ADGRF3: variants seen among roughly 807,000 people sequenced by gnomAD.
ADGRF3 encodes G protein-coupled receptor 113.
In ADGRF3, 85 loss-of-function variants were observed where a neutral mutation model predicts 93.2. That is an observed-to-expected ratio of 0.91 (90% CI 0.77 to 1.09). ADGRF3 has a LOEUF of 1.09. Ranked by LOEUF, ADGRF3 falls within the 50% of genes least tolerant of loss-of-function variation. The pLI is 0.00. For synonymous variants in ADGRF3, 534 were observed against 532.5 expected (o/e 1.00, Z -0.04); for missense variants, 1,125 against 1,246.2 (o/e 0.90, Z 1.46).
chr2:26,345,809 C>A, intron 1 of ADGRF3: 2 of 393,876 alleles, frequency 5.1e-6, no homozygotes, highest in Non-Finnish European at 4.7e-6. Context: ...CCACAGAAAT[C>A]CCACCTTCCC....
chr2:26,319,098 G>A (rs1188677477), intron 1 of ADGRF3: 1 of 1,525,578 alleles, frequency 6.6e-7, no homozygotes, highest in Admixed American at 2.0e-5. Context: ...TTTCCGCAAG[G>A]AAGAGCTGGC....
rs1364262042 is a variant in ADGRF3 at position 26,311,076 on chromosome 2, G to A, written c.2448C>T (p.Pro816=). The change falls in exon 10 of 14, where the codon CCC becomes CCT. Residue 816 remains proline (P), a synonymous_variant. Transcript: ENST00000651242. ...ACAGGTAGCCCAGGAGCACCATGAGGGGGAGAACTCGGTGCTTTGCCAGCT... is the reference window on the plus strand; with the variant it reads ...ACAGGTAGCCCAGGAGCACCATGAGAGGGAGAACTCGGTGCTTTGCCAGCT... ...FHQLAKHRVL[P]LMVLLGYLCP... is the part of the protein sequence containing the mutation. 1.2e-6 allele frequency: 2 copies of A among 1,607,000 alleles called. No individual in the cohort carries two copies. Among genetic ancestry groups the A allele is most frequent in the Non-Finnish European group, 1.7e-6 (2 of 1,176,868 alleles).
chr2:26,310,076 G>T lies in ADGRF3; in HGVS notation c.2904C>A (p.Cys968Ter). Residue 968 changes from cysteine to a stop codon, truncating the protein, a stop_gained, in exon 12 of 14, where the codon TGC (cysteine) becomes TGA (stop). Transcript: ENST00000651242. LOFTEE classifies it high-confidence loss of function. The part of the protein sequence containing the change: ...KIQEALRKRF[C>*]RAQAPSSTIS... ...TGGTGGAGCTGGGGGCTTGGGCGCG[G>T]CAGAAGCGTTTGCGCAAAGCTTCTT... 6.2e-7 allele frequency: 1 copy of T among 1,614,042 alleles called. No individual in the cohort carries two copies.
chr2:26,314,892 C>T (rs912424950), intron 5 of ADGRF3: 34 of 450,336 alleles, frequency 7.5e-5, no homozygotes, highest in African/African-American at 6.0e-4. Context: ...TCCTGCACCA[C>T]CCCTGCCATT....
At chr2:26,322,173 T>C (rs1036377205) in intron 1 of ADGRF3, among the ~76,000 whole-genome samples, 9 of 146,070 alleles carry the variant, frequency 6.2e-5, no homozygotes, top group African/African-American at 2.1e-4. Context: ...TCCCAGCTAC[T>C]TGGGAGGCTG....
At chr2:26,328,937 G>C (rs1675607885) in intron 1 of ADGRF3, among the ~76,000 whole-genome samples, 1 of 152,182 alleles carries the variant, frequency 6.6e-6, no homozygotes, top group Non-Finnish European at 1.5e-5. Context: ...AGATGTCCAT[G>C]TGCAAATCCC....
intron 1 of ADGRF3, among the ~76,000 whole-genome samples, chr2:26,326,413 G>T (rs1282562491): frequency 2.0e-5 from 3 of 152,176 alleles, no homozygotes; most frequent in Non-Finnish European, 4.4e-5. Context: ...AGAGGGAACA[G>T]AAAATATATC....
intron 5 of ADGRF3, 69 bp from the exon 6 acceptor site, chr2:26,314,692 T>A: frequency 7.1e-7 from 1 of 1,404,860 alleles, no homozygotes; most frequent in Non-Finnish European, 9.8e-7. Flanking sequence ...TCTCTGCTGC[T>A]TTCCAAGCCA....
chr2:26,337,490 G>A (rs188668731), intron 1 of ADGRF3, among the ~76,000 whole-genome samples: 7 of 152,344 alleles, frequency 4.6e-5, no homozygotes, highest in African/African-American at 1.4e-4. Context: ...GCTCAGCTAA[G>A]CCCATTCCAA....
chr2:26,311,345 C>G lies in ADGRF3; in HGVS notation c.2179G>C (p.Val727Leu). ...TTGTTCCGCACCACGACTCTCCACA[C>G]CAGCCAGTACACACCCAGGCACACA... ...LLVCLGVYWLVWRVVVRNKIS... is the reference protein window; with the variant it reads ...LLVCLGVYWLLWRVVVRNKIS... Residue 727 changes from valine (V) to leucine (L), a missense_variant, in exon 10 of 14, where the codon GTG becomes CTG. Transcript: ENST00000651242. The G allele has an allele frequency of 6.2e-7, 1 of 1,614,028 alleles. No homozygotes were observed. Among genetic ancestry groups the G allele is most frequent in the Non-Finnish European group, 8.5e-7 (1 of 1,179,906 alleles).
At chr2:26,321,417 T>C (rs764618854) in intron 1 of ADGRF3, among the ~76,000 whole-genome samples, 13 of 152,088 alleles carry the variant, frequency 8.5e-5, no homozygotes, top group Non-Finnish European at 1.8e-4. Context: ...GGGACATCAA[T>C]AGCATCTGCT....
intron 1 of ADGRF3, chr2:26,318,024 G>C: frequency 6.4e-7 from 1 of 1,550,450 alleles, no homozygotes; most frequent in Non-Finnish European, 8.7e-7. Flanking sequence ...CTCCTCCTCT[G>C]TCAGGGTGAG....
At chr2:26,312,813 C>T (rs1674299696) in intron 9 of ADGRF3, 130 bp downstream of exon 9, 2 of 791,232 alleles carry the variant, frequency 2.5e-6, no homozygotes, top group Non-Finnish European at 2.0e-6. Context: ...CAGGAGCAGG[C>T]CCCTGGACTC....
chr2:26,346,152 G>C lies in ADGRF3; in HGVS notation c.83C>G (p.Ala28Gly), dbSNP rs773529782. ...AVTHKHHTGWARMAKTGLPEK... is the reference protein window; with the variant it reads ...AVTHKHHTGWGRMAKTGLPEK... The stretch of plus-strand genomic sequence containing the variant: ...GGGCAGCCCAGTCTTTGCCATCCTT[G>C]CCCAGCCGGTGTGGTGCTTGTGTGT... Residue 28 changes from alanine to glycine, a missense_variant, in exon 1 of 14, where the codon GCA (alanine) becomes GGA (glycine). Transcript: ENST00000651242. 1.2e-5 allele frequency: 19 copies of C among 1,606,424 alleles called. No individual in the cohort carries two copies. The highest frequency in any genetic ancestry group is 1.5e-5 in the Non-Finnish European group (18 of 1,176,908).
intron 2 of ADGRF3, 95 bp from the exon 3 acceptor site, chr2:26,317,150 A>T: frequency 7.5e-7 from 1 of 1,340,626 alleles, no homozygotes; most frequent in Non-Finnish European, 1.0e-6. Flanking sequence ...AGTCCCAGGA[A>T]TGCAGAGCAG....
chr2:26,313,240 C>CAGAGCCAGGAAG, intron 8 of ADGRF3, 118 bp from the exon 9 acceptor site: 1 of 1,451,554 alleles, frequency 6.9e-7, no homozygotes. Flanking sequence ...TACTTCCTGG[C>CAGAGCCAGGAAG]TCTGCTAGGG....
chr2:26,316,622 C>T (rs973779686), intron 3 of ADGRF3, among the ~76,000 whole-genome samples, 174 bp from the exon 4 acceptor site: 5 of 151,956 alleles, frequency 3.3e-5, no homozygotes, highest in Admixed American at 6.6e-5. Context: ...AGTCAGGACT[C>T]GAAGCAGCAG....
Position 26,316,892 on chromosome 2 carries a change from C to T in ADGRF3, c.325+20G>A. The T allele has an allele frequency of 6.3e-7, 1 of 1,589,834 alleles. No individual in the cohort carries two copies. Among genetic ancestry groups the T allele is most frequent in the African/African-American group, 1.4e-5 (1 of 73,428 alleles). On this transcript the variant is annotated intron_variant, in intron 3 of 13. Transcript: ENST00000651242. Reference sequence around the variant, plus strand: ...GCCTATGTTCATTCACTCTCAGCCCCCTTCCCACGCAAGTGGTACCTGTTG... The same window carrying T: ...GCCTATGTTCATTCACTCTCAGCCCTCTTCCCACGCAAGTGGTACCTGTTG...
chr2:26,321,092 C>A (rs2147894729), intron 1 of ADGRF3, among the ~76,000 whole-genome samples: 1 of 151,862 alleles, frequency 6.6e-6, no homozygotes, highest in African/African-American at 2.4e-5. Context: ...TTGATTTAAA[C>A]ACACACACAA....
Sources: gnomAD v4.1 joint callset for allele counts (sites outside exome capture counted in the v4.1 genomes callset) on GRCh38, gnomAD v4.1.1 for gene constraint, MANE v1.5 for transcripts, NCBI Gene and HGNC (gene_info 2026-07-23, HGNC 2026-07-21) for gene names.